Variants in JAKMIP2 observed in about 807,000 individuals in gnomAD.
The protein encoded by JAKMIP2 is janus kinase and microtubule-interacting protein 2.
A neutral mutation model predicts 115.0 loss-of-function variants in JAKMIP2; 25 were observed. The ratio of observed to expected loss-of-function variants is 0.22; its 90% confidence interval spans 0.16 to 0.30. The LOEUF is 0.30. Ranked by LOEUF, JAKMIP2 falls within the 10% of genes least tolerant of loss-of-function variation. JAKMIP2 has a pLI of 1.00. For missense variants in JAKMIP2, 642 were observed against 957.6 expected (o/e 0.67, Z 4.35); for synonymous variants, 334 against 343.6 (o/e 0.97, Z 0.31).
chr5:147,778,263 CTTT>C (rs1390432848), intron 1 of JAKMIP2, among the ~76,000 whole-genome samples: 6 of 151,948 alleles, frequency 3.9e-5, no homozygotes, highest in Admixed American at 2.0e-4. Flanking sequence ...CTCTAAAATG[CTTT>C]TTGTGTGTGT....
chr5:147,635,487 A>G (rs1403387077), intron 12 of JAKMIP2, among the ~76,000 whole-genome samples: 3 of 152,074 alleles, frequency 2.0e-5, no homozygotes, highest in African/African-American at 4.8e-5. Context: ...AGGTTTCGGC[A>G]TGGTCTTGGA....
intron 13 of JAKMIP2, 106 bp downstream of exon 13, chr5:147,632,574 G>T: frequency 1.3e-6 from 1 of 744,368 alleles, no homozygotes; most frequent in Non-Finnish European, 2.3e-6. Context: ...AGGTCCAAAT[G>T]AGAGTATGAA....
At chr5:147,739,239 G>A (rs1437271985) in intron 1 of JAKMIP2, among the ~76,000 whole-genome samples, 1 of 152,088 alleles carries the variant, frequency 6.6e-6, no homozygotes, top group East Asian at 1.9e-4. Context: ...ATGCACGAGC[G>A]GCTTTCCTGG....
At chr5:147,702,267 C>T (rs531166767) in intron 1 of JAKMIP2, among the ~76,000 whole-genome samples, 16 of 144,026 alleles carry the variant, frequency 1.1e-4, no homozygotes, top group East Asian at 2.0e-4. Context: ...GATGCAAGGG[C>T]ATAAGAATGA....
At chr5:147,649,880 G>C (rs1413795417) in intron 4 of JAKMIP2, among the ~76,000 whole-genome samples, 1 of 152,106 alleles carries the variant, frequency 6.6e-6, no homozygotes. Flanking sequence ...TAAGTGGTAA[G>C]TTCAATCAGA....
intron 1 of JAKMIP2, among the ~76,000 whole-genome samples, chr5:147,727,615 C>A (rs181060090): frequency 8.1e-4 from 124 of 152,288 alleles, no homozygotes; most frequent in African/African-American, 2.7e-3. Flanking sequence ...TCACTCAACA[C>A]ATGGGGATTA....
At chr5:147,654,226 GT>G (rs148458804) in intron 3 of JAKMIP2, among the ~76,000 whole-genome samples, 2,682 of 147,668 alleles carry the variant, frequency 0.018, 98 homozygotes, top group African/African-American at 0.061. Context: ...ATTTAAAGTA[GT>G]TTTTTTTTTT....
intron 20 of JAKMIP2, among the ~76,000 whole-genome samples, chr5:147,605,864 A>G (rs1358214034): frequency 6.6e-6 from 1 of 152,138 alleles, no homozygotes; most frequent in Non-Finnish European, 1.5e-5. Context: ...TGACTTTTTA[A>G]TGATAGCCAT....
chr5:147,743,342 CT>C (rs1208831758), intron 1 of JAKMIP2, among the ~76,000 whole-genome samples: 1 of 152,138 alleles, frequency 6.6e-6, no homozygotes, highest in Admixed American at 6.5e-5. Context: ...ACAAAAATTG[CT>C]GATGGTACTT....
At chr5:147,697,730 T>C (rs1215670375) in intron 1 of JAKMIP2, among the ~76,000 whole-genome samples, 1 of 152,196 alleles carries the variant, frequency 6.6e-6, no homozygotes, top group Non-Finnish European at 1.5e-5. Flanking sequence ...AGCCTGCTGG[T>C]GCATAAAAGT....
chr5:147,726,809 T>C lies in JAKMIP2; in HGVS notation c.-148-54855A>G, dbSNP rs543190395. On this transcript the variant is annotated intron_variant, in intron 1 of 21. Coordinates refer to ENST00000616793, the MANE Select transcript of JAKMIP2 (RefSeq NM_001270941.2). ...TTGGAAGCTTGAGCTTGTGACCATA[T>C]GGCAGTACTTTCTTTTAGTCTCTGC... Among the ~76,000 whole-genome samples, 23 of 152,248 alleles carry C rather than the reference T, an allele frequency of 1.5e-4. No individual in the cohort carries two copies. In the South Asian group the frequency reaches 3.9e-3, roughly 26 times the overall value.
chr5:147,628,285 T>C (rs1392951264), intron 16 of JAKMIP2, among the ~76,000 whole-genome samples: 1 of 152,126 alleles, frequency 6.6e-6, no homozygotes, highest in East Asian at 1.9e-4. Context: ...CAGTGTTGAT[T>C]TTCTCCTGAC....
At chr5:147,672,589 C>T (rs541416906) in intron 1 of JAKMIP2, among the ~76,000 whole-genome samples, 8 of 150,320 alleles carry the variant, frequency 5.3e-5, no homozygotes, top group Admixed American at 3.4e-4. Flanking sequence ...TATCTATCAA[C>T]GATCTATCTA....
chr5:147,646,430 T>C (rs969245981), intron 5 of JAKMIP2, among the ~76,000 whole-genome samples: 1 of 152,084 alleles, frequency 6.6e-6, no homozygotes, highest in Non-Finnish European at 1.5e-5. Flanking sequence ...ATGATGTGAG[T>C]TTTAAATATT....
At chr5:147,738,209 C>A (rs1039290539) in intron 1 of JAKMIP2, among the ~76,000 whole-genome samples, 1 of 152,038 alleles carries the variant, frequency 6.6e-6, no homozygotes, top group Non-Finnish European at 1.5e-5. Flanking sequence ...AGCAGATACA[C>A]AACTTTAAGC....
intron 1 of JAKMIP2, among the ~76,000 whole-genome samples, chr5:147,753,698 C>T (rs1196830222): frequency 6.6e-6 from 1 of 152,198 alleles, no homozygotes; most frequent in Non-Finnish European, 1.5e-5. Context: ...ACCACTCACA[C>T]ATTCCTCAGT....
chr5:147,632,142 G>A (rs1757389782), intron 13 of JAKMIP2, among the ~76,000 whole-genome samples: 1 of 151,942 alleles, frequency 6.6e-6, no homozygotes, highest in Non-Finnish European at 1.5e-5. Flanking sequence ...CCTGAAATTT[G>A]GTCAGATTAA....
In JAKMIP2 at chr5:147,693,993, G is replaced by T. The variant is rs759126201; in HGVS notation, c.-148-22039C>A. 2.0e-5 allele frequency among the ~76,000 whole-genome samples: 3 copies of T among 152,112 alleles called. No individual in the cohort carries two copies. In the South Asian group the frequency reaches 6.2e-4, roughly 32 times the overall value. On this transcript the variant is annotated intron_variant, in intron 1 of 21. Transcript: ENST00000616793. The stretch of plus-strand genomic sequence containing the variant: ...GAAGTTCCAGATAGGTGAAGTTTAC[G>T]ATGGACACTGGATTAATAGCTTCTC...
At chr5:147,687,248 T>G (rs1032427113) in intron 1 of JAKMIP2, among the ~76,000 whole-genome samples, 1 of 152,230 alleles carries the variant, frequency 6.6e-6, no homozygotes, top group African/African-American at 2.4e-5. Flanking sequence ...ATCTTTTTAA[T>G]GCTCTGAGGT....
Sources: gnomAD v4.1 joint callset for allele counts (sites outside exome capture counted in the v4.1 genomes callset) on GRCh38, gnomAD v4.1.1 for gene constraint, MANE v1.5 for transcripts, NCBI Gene and HGNC (gene_info 2026-07-23, HGNC 2026-07-21) for gene names.